KCNB2: variants seen among roughly 807,000 people sequenced by gnomAD.
KCNB2 encodes potassium voltage-gated channel subfamily B member 2.
In KCNB2, 15 loss-of-function variants were observed where a neutral mutation model predicts 61.5. The ratio of observed to expected loss-of-function variants is 0.24; its 90% confidence interval spans 0.16 to 0.38. The LOEUF is 0.38. Ranked by LOEUF, KCNB2 falls within the 10% of genes least tolerant of loss-of-function variation. The probability of loss-of-function intolerance (pLI) is 1.00; values close to 1 mark genes in which losing one functional copy is unlikely to be tolerated. For missense variants in KCNB2, 828 were observed against 1,125.2 expected, an observed-to-expected ratio of 0.74 and a Z score of 3.78; for synonymous variants, 457 against 446.0, an observed-to-expected ratio of 1.02 and a Z score of -0.31.
intron 2 of KCNB2, among the ~76,000 whole-genome samples, chr8:72,856,794 C>A (rs530111460): frequency 1.3e-5 from 2 of 152,182 alleles, no homozygotes; most frequent in African/African-American, 4.8e-5. Context: ...AAGAAAAAAG[C>A]CAACAACTGG....
chr8:72,706,221 C>G (rs1421052084), intron 2 of KCNB2, among the ~76,000 whole-genome samples: 1 of 152,204 alleles, frequency 6.6e-6, no homozygotes, highest in African/African-American at 2.4e-5. Context: ...TCCCTCCTCT[C>G]ACTAAACTCA....
chr8:72,781,745 A>G (rs1808758971), intron 2 of KCNB2, among the ~76,000 whole-genome samples: 1 of 152,132 alleles, frequency 6.6e-6, no homozygotes, highest in Non-Finnish European at 1.5e-5. Flanking sequence ...TAATTTTGTG[A>G]TGAATGTCAA....
chr8:72,882,736 GAA>G (rs11370630), intron 2 of KCNB2, among the ~76,000 whole-genome samples: 4 of 149,024 alleles, frequency 2.7e-5, no homozygotes, highest in Admixed American at 1.3e-4. Flanking sequence ...AAAAGAAAAA[GAA>G]AAAAAAAATC....
intron 2 of KCNB2, among the ~76,000 whole-genome samples, chr8:72,801,836 AAAAAAACAAAAAAC>A (rs199794319): frequency 6.6e-6 from 1 of 152,104 alleles, no homozygotes; most frequent in Non-Finnish European, 1.5e-5. Flanking sequence ...GAAAAAGAAA[AAAAAAACAAAAAAC>A]AAAAAACAGC....
chr8:72,683,256 T>C (rs945969954), intron 2 of KCNB2, among the ~76,000 whole-genome samples: 3 of 152,180 alleles, frequency 2.0e-5, no homozygotes, highest in Non-Finnish European at 4.4e-5. Context: ...CTTCTGACAC[T>C]TTTTTTTCTA....
chr8:72,579,232 T>C (rs1156455558), intron 2 of KCNB2, among the ~76,000 whole-genome samples: 1 of 152,198 alleles, frequency 6.6e-6, no homozygotes, highest in African/African-American at 2.4e-5. Context: ...GGTTATACTT[T>C]ACTGAACAAC....
chr8:72,913,834 A>G (rs1412245620), intron 2 of KCNB2, among the ~76,000 whole-genome samples: 3 of 152,202 alleles, frequency 2.0e-5, no homozygotes, highest in African/African-American at 7.2e-5. Context: ...CAAACATTTC[A>G]TGAATATATC....
intron 2 of KCNB2, among the ~76,000 whole-genome samples, chr8:72,697,824 C>T (rs898520347): frequency 6.6e-6 from 1 of 151,922 alleles, no homozygotes; most frequent in African/African-American, 2.4e-5. Flanking sequence ...TCAATAAATT[C>T]CTCTAAAACT....
intron 2 of KCNB2, among the ~76,000 whole-genome samples, chr8:72,644,914 G>C (rs1402888915): frequency 2.6e-5 from 4 of 152,166 alleles, no homozygotes; most frequent in Non-Finnish European, 4.4e-5. Flanking sequence ...TCCAAGTCTG[G>C]TGATAGGCAT....
chr8:72,791,449 T>G (rs1490791645), intron 2 of KCNB2, among the ~76,000 whole-genome samples: 1 of 152,052 alleles, frequency 6.6e-6, no homozygotes, highest in Non-Finnish European at 1.5e-5. Flanking sequence ...CTTGGGAGGC[T>G]GAGGCAGGAG....
chr8:72,856,946 T>A (rs78688831), intron 2 of KCNB2, among the ~76,000 whole-genome samples: 1 of 152,222 alleles, frequency 6.6e-6, no homozygotes, highest in Non-Finnish European at 1.5e-5. Flanking sequence ...CAGAAACATA[T>A]GGAAATGCAG....
chr8:72,577,393 A>G (rs891321183), intron 2 of KCNB2, among the ~76,000 whole-genome samples: 3 of 152,166 alleles, frequency 2.0e-5, no homozygotes, highest in Non-Finnish European at 2.9e-5. Flanking sequence ...GTTCTATTGT[A>G]AAGAACCCAC....
At chr8:72,580,789 T>C (rs1183088946) in intron 2 of KCNB2, among the ~76,000 whole-genome samples, 1 of 152,220 alleles carries the variant, frequency 6.6e-6, no homozygotes, top group Non-Finnish European at 1.5e-5. Flanking sequence ...ATCTCATGCT[T>C]GGACTATTGT....
chr8:72,669,713 A>C (rs1216918448), intron 2 of KCNB2, among the ~76,000 whole-genome samples: 1 of 152,222 alleles, frequency 6.6e-6, no homozygotes. Flanking sequence ...CTGTGAGTGC[A>C]CATTTTCTAT....
intron 2 of KCNB2, among the ~76,000 whole-genome samples, chr8:72,858,574 G>C (rs923019911): frequency 2.0e-5 from 3 of 152,224 alleles, no homozygotes; most frequent in Admixed American, 1.3e-4. Context: ...CTGCTTTGCA[G>C]AGCTAAACTG....
intron 1 of KCNB2, among the ~76,000 whole-genome samples, chr8:72,549,736 C>G (rs1806315394): frequency 6.6e-6 from 1 of 152,196 alleles, no homozygotes; most frequent in South Asian, 2.1e-4. Flanking sequence ...CACCACACGC[C>G]TGTGTTCTCT....
At chr8:72,721,900 A>G (rs374925311) in intron 2 of KCNB2, among the ~76,000 whole-genome samples, 1 of 152,290 alleles carries the variant, frequency 6.6e-6, no homozygotes, top group African/African-American at 2.4e-5. Flanking sequence ...CGCCAACTGG[A>G]CACTTTCCCC....
At chr8:72,904,989 T>G (rs1231958464) in intron 2 of KCNB2, among the ~76,000 whole-genome samples, 1 of 152,140 alleles carries the variant, frequency 6.6e-6, no homozygotes, top group Non-Finnish European at 1.5e-5. Flanking sequence ...GAGAGACAGC[T>G]ATAAGTGAAC....
At chr8:72,674,849 A>T (rs1278924122) in intron 2 of KCNB2, among the ~76,000 whole-genome samples, 1 of 152,176 alleles carries the variant, frequency 6.6e-6, no homozygotes, top group African/African-American at 2.4e-5. Flanking sequence ...AGAAAAGTTT[A>T]TTTCTTGCTA....
Sources: gnomAD v4.1 joint callset for allele counts (sites outside exome capture counted in the v4.1 genomes callset) on GRCh38, gnomAD v4.1.1 for gene constraint, MANE v1.5 for transcripts, NCBI Gene and HGNC (gene_info 2026-07-23, HGNC 2026-07-21) for gene names.